RUNX2: variants seen among roughly 807,000 people sequenced by gnomAD.
RUNX2 encodes runt-related transcription factor 2.
Under a neutral mutation model 51.7 loss-of-function variants are expected in RUNX2, and 10 were observed. That is an observed-to-expected ratio of 0.19 (90% confidence interval 0.12 to 0.33). RUNX2 has a LOEUF of 0.33. Among genes scored for constraint, RUNX2 ranks in the 10% least tolerant of loss-of-function variants. RUNX2 has a pLI of 1.00. For missense variants in RUNX2, 562 were observed against 691.3 expected (o/e 0.81, Z 2.10); for synonymous variants, 276 against 273.6 (o/e 1.01, Z -0.09).
Position 45,535,251 on chromosome 6 carries a change from T to A in RUNX2, c.1022-9966T>A, listed in dbSNP as rs947747173. ...GTACCCTTGAACTTAAAAGTTAAAT[T>A]AAAAAAAAAGGCTATAGAGGTGATT... On this transcript the variant is annotated intron_variant, in intron 7 of 8. Coordinates refer to ENST00000647337, the MANE Select transcript of RUNX2 (RefSeq NM_001024630.4). Among the ~76,000 whole-genome samples the A allele has an allele frequency of 1.3e-4, 19 of 150,714 alleles. No homozygotes were observed. The East Asian group carries it at 2.7e-3, about 22-fold the overall frequency.
intron 7 of RUNX2, among the ~76,000 whole-genome samples, chr6:45,513,276 C>T (rs1801216725): frequency 6.6e-6 from 1 of 152,180 alleles, no homozygotes; most frequent in Non-Finnish European, 1.5e-5. Context: ...ATTGTCCCCA[C>T]TCAATGACGT....
chr6:45,332,588 T>TCATG (rs1375357549), intron 2 of RUNX2, among the ~76,000 whole-genome samples: 1 of 151,782 alleles, frequency 6.6e-6, no homozygotes, highest in Admixed American at 6.6e-5. Context: ...AATAGTGAAG[T>TCATG]CATGCAAAAG....
chr6:45,450,458 A>T (rs1563092527), intron 5 of RUNX2, among the ~76,000 whole-genome samples: 1 of 152,212 alleles, frequency 6.6e-6, no homozygotes, highest in African/African-American at 2.4e-5. Context: ...GGCAGGCGTG[A>T]TCCTCCCTTT....
rs576949455 is a variant in RUNX2 at position 45,391,651 on chromosome 6, T to G, written c.59-30942T>G. On this transcript the variant is annotated intron_variant, in intron 2 of 8. Transcript: ENST00000647337. Reference sequence around the variant, plus strand: ...CATGGCTGGGGAGGTTTCAGGAAACTTACAGTCATGGTGGAAAGCGAAGGT... The same window carrying G: ...CATGGCTGGGGAGGTTTCAGGAAACGTACAGTCATGGTGGAAAGCGAAGGT... 3.3e-5 allele frequency among the ~76,000 whole-genome samples: 5 copies of G among 152,214 alleles called. No individual in the cohort carries two copies. The East Asian group carries it at 9.7e-4, about 30-fold the overall frequency.
intron 6 of RUNX2, among the ~76,000 whole-genome samples, chr6:45,506,550 T>C (rs543052115): frequency 3.9e-5 from 6 of 152,322 alleles, no homozygotes; most frequent in African/African-American, 1.4e-4. Flanking sequence ...ATTTCTCTAA[T>C]ATAGTAATTA....
At chr6:45,331,968 G>A (rs1787607076) in intron 2 of RUNX2, among the ~76,000 whole-genome samples, 1 of 151,942 alleles carries the variant, frequency 6.6e-6, no homozygotes, top group Non-Finnish European at 1.5e-5. Context: ...TAAACTGCAG[G>A]GGCGGGGGGA....
intron 5 of RUNX2, among the ~76,000 whole-genome samples, chr6:45,477,984 A>G (rs1800003006): frequency 6.9e-6 from 1 of 143,966 alleles, no homozygotes; most frequent in African/African-American, 2.6e-5. Context: ...AAATTGCTTC[A>G]CTCTATACTT....
chr6:45,446,690 C>G (rs1425230537), intron 5 of RUNX2, among the ~76,000 whole-genome samples: 1 of 152,128 alleles, frequency 6.6e-6, no homozygotes, highest in African/African-American at 2.4e-5. Context: ...TTGCTTTTCC[C>G]ATTCATACCT....
intron 5 of RUNX2, among the ~76,000 whole-genome samples, chr6:45,470,589 A>G (rs1440111882): frequency 6.6e-6 from 1 of 152,206 alleles, no homozygotes; most frequent in East Asian, 1.9e-4. Context: ...GGACCCTGAT[A>G]CTCAGAAAAA....
At chr6:45,472,297 C>G (rs760382589) in intron 5 of RUNX2, among the ~76,000 whole-genome samples, 19 of 152,022 alleles carry the variant, frequency 1.2e-4, no homozygotes, top group Non-Finnish European at 2.6e-4. Flanking sequence ...ACATCAGAAA[C>G]GGATAGCAAA....
chr6:45,334,625 G>A lies in RUNX2; in HGVS notation c.58+5841G>A, dbSNP rs557885913. Among the ~76,000 whole-genome samples the A allele has an allele frequency of 6.6e-5, 10 of 151,046 alleles. No individual in the cohort carries two copies. In the East Asian group the frequency reaches 1.7e-3, roughly 26 times the overall value. On this transcript the variant is annotated intron_variant, in intron 2 of 8. Coordinates refer to ENST00000647337, the MANE Select transcript of RUNX2 (RefSeq NM_001024630.4). Reference sequence around the variant, plus strand: ...GTATTTTTACACCGAAACAAAATACGTGTCATATATGTTCAACTTAAATTT... The same window carrying A: ...GTATTTTTACACCGAAACAAAATACATGTCATATATGTTCAACTTAAATTT...
At chr6:45,332,189 T>C (rs1014938321) in intron 2 of RUNX2, among the ~76,000 whole-genome samples, 1 of 151,872 alleles carries the variant, frequency 6.6e-6, no homozygotes, top group Non-Finnish European at 1.5e-5. Context: ...AGTTAAGACA[T>C]TCTGTATCAC....
intron 2 of RUNX2, chr6:45,361,490 G>A (rs1178444349): frequency 6.6e-6 from 1 of 152,106 alleles, no homozygotes; most frequent in Non-Finnish European, 1.5e-5. Flanking sequence ...CTCTCAAAGT[G>A]CATTTAAATT....
Position 45,492,332 on chromosome 6 carries a change from C to G in RUNX2, c.859+218C>G, listed in dbSNP as rs189495942. ...TTTGGGGGATATTTCTACTAATGCT[C>G]TACTCTGCAGCAATCTCAGTCTACA... On this transcript the variant is annotated intron_variant, in intron 6 of 8. Transcript: ENST00000647337. Among the ~76,000 whole-genome samples, 26 of 152,144 alleles carry G rather than the reference C, an allele frequency of 1.7e-4. No homozygotes were observed. In the East Asian group the frequency reaches 5.0e-3, roughly 29 times the overall value.
intron 6 of RUNX2, among the ~76,000 whole-genome samples, chr6:45,511,877 G>C (rs944082024): frequency 6.6e-6 from 1 of 152,180 alleles, no homozygotes; most frequent in African/African-American, 2.4e-5. Context: ...ATGTTCACTG[G>C]AGGAATTTTA....
intron 7 of RUNX2, among the ~76,000 whole-genome samples, chr6:45,528,932 G>A (rs1353269323): frequency 6.6e-6 from 1 of 152,200 alleles, no homozygotes; most frequent in African/African-American, 2.4e-5. Flanking sequence ...GATAAGGGAT[G>A]AGGAACATGT....
At chr6:45,501,843 G>A (rs753903813) in intron 6 of RUNX2, among the ~76,000 whole-genome samples, 1 of 152,208 alleles carries the variant, frequency 6.6e-6, no homozygotes, top group Non-Finnish European at 1.5e-5. Flanking sequence ...TGGGCTGCAA[G>A]CAAGTCAACA....
At chr6:45,423,093 C>G (rs961839190) in intron 3 of RUNX2, 136 bp downstream of exon 3, 1 of 1,093,866 alleles carries the variant, frequency 9.1e-7, no homozygotes, top group Non-Finnish European at 1.2e-6. Flanking sequence ...CAGAAACCCC[C>G]GGCCGGGCCT....
chr6:45,515,937 A>T (rs1801306050), intron 7 of RUNX2, among the ~76,000 whole-genome samples: 1 of 152,192 alleles, frequency 6.6e-6, no homozygotes, highest in South Asian at 2.1e-4. Context: ...TCCAAAAGAA[A>T]TTCCATTTTC....
Sources: gnomAD v4.1 joint callset for allele counts (sites outside exome capture counted in the v4.1 genomes callset) on GRCh38, gnomAD v4.1.1 for gene constraint, MANE v1.5 for transcripts, NCBI Gene and HGNC (gene_info 2026-07-23, HGNC 2026-07-21) for gene names.